Variants in PTPN5 observed in about 807,000 individuals in gnomAD.
The protein encoded by PTPN5 is protein tyrosine phosphatase non-receptor type 5.
Under a neutral mutation model 73.9 loss-of-function variants are expected in PTPN5, and 29 were observed. The observed-to-expected ratio is 0.39, with a 90% CI of 0.29 to 0.54. The LOEUF is 0.54. Among genes scored for constraint, PTPN5 ranks in the 20% least tolerant of loss-of-function variants. PTPN5 has a pLI of 0.65. For missense variants in PTPN5, 652 were observed against 751.4 expected, an observed-to-expected ratio of 0.87 and a Z score of 1.55; for synonymous variants, 267 against 304.7, an observed-to-expected ratio of 0.88 and a Z score of 1.29.
intron 1 of PTPN5, among the ~76,000 whole-genome samples, chr11:18,775,539 C>T (rs982769102): frequency 1.3e-5 from 2 of 152,182 alleles, no homozygotes; most frequent in Admixed American, 1.3e-4. Flanking sequence ...GAAGCAACAG[C>T]CCAGGAAGCA....
In PTPN5 at chr11:18,728,350, G is replaced by A. The variant is rs375742458; in HGVS notation, c.*584C>T. 5 of 152,508 alleles carry A rather than the reference G, an allele frequency of 3.3e-5. No individual in the cohort carries two copies. Among genetic ancestry groups the A allele is most frequent in the African/African-American group, 1.2e-4 (5 of 41,432 alleles). The allele number at this position is 152,508 out of a possible 1,614,324, so 9.4% of individuals were successfully genotyped here. A position where few individuals can be genotyped will look rare whatever the true frequency, so the allele number is the denominator to read the frequency against. On this transcript the variant is annotated 3_prime_UTR_variant, in exon 15 of 15. Transcript: ENST00000358540. The surrounding 1 kb of genome is among the most constrained non-coding windows in gnomAD (Gnocchi z 4.1). Reference sequence around the variant, plus strand: ...CCCTCCTGAGAGCATCTGACACCCAGAGGCCACCCTGGCTGTGATGCCCAC... The same window carrying A: ...CCCTCCTGAGAGCATCTGACACCCAAAGGCCACCCTGGCTGTGATGCCCAC...
chr11:18,759,291 A>G (rs1590563520), intron 3 of PTPN5, among the ~76,000 whole-genome samples: 1 of 152,246 alleles, frequency 6.6e-6, no homozygotes, highest in East Asian at 1.9e-4. Flanking sequence ...GAACTCAATT[A>G]ATCCTCACAA....
chr11:18,743,862 C>G (rs1849489596), intron 4 of PTPN5, 144 bp downstream of exon 4: 2 of 943,198 alleles, frequency 2.1e-6, no homozygotes, highest in Non-Finnish European at 3.0e-6. Context: ...CTTATCCCAG[C>G]CTTGAGGGCT....
In PTPN5 at chr11:18,729,006, G is replaced by A. The variant is rs371541434; in HGVS notation, c.1626C>T (p.Cys542=). The stretch of plus-strand genomic sequence containing the variant: ...CGTGGTGCACAAACTGGTACTGCTC[G>A]CATGTCTGGATCATGCCGCCCCTGC... The part of the protein sequence containing the change: ...RQDRGGMIQT[C]EQYQFVHHVM... The change falls in exon 15 of 15, where the codon TGC becomes TGT. Residue 542 remains cysteine (C), a synonymous_variant. Coordinates refer to ENST00000358540, the MANE Select transcript of PTPN5 (RefSeq NM_006906.2). The surrounding 1 kb of genome is among the most constrained non-coding windows in gnomAD (Gnocchi z 5.2). 2.1e-4 allele frequency: 337 copies of A among 1,613,756 alleles called. 1 individual carries two copies. Among genetic ancestry groups the A allele is most frequent in the Non-Finnish European group, 2.6e-4 (302 of 1,179,942 alleles).
chr11:18,766,653 G>C (rs1850657898), intron 2 of PTPN5, among the ~76,000 whole-genome samples: 1 of 152,186 alleles, frequency 6.6e-6, no homozygotes, highest in African/African-American at 2.4e-5. Context: ...GAAAAATGTT[G>C]CTGGAGATCA....
At chr11:18,748,596 T>C (rs1849742936) in intron 3 of PTPN5, among the ~76,000 whole-genome samples, 1 of 151,954 alleles carries the variant, frequency 6.6e-6, no homozygotes, top group South Asian at 2.1e-4. Flanking sequence ...GCACATAATT[T>C]TTGGGGAGAT....
chr11:18,782,448 G>C (rs923256985), intron 1 of PTPN5, among the ~76,000 whole-genome samples: 1 of 152,042 alleles, frequency 6.6e-6, no homozygotes, highest in African/African-American at 2.4e-5. Context: ...GGCTGGTCTC[G>C]AACTCCTGAC....
intron 9 of PTPN5, among the ~76,000 whole-genome samples, chr11:18,734,351 C>G (rs944000074): frequency 1.1e-4 from 16 of 152,106 alleles, no homozygotes; most frequent in Admixed American, 1.0e-3. Flanking sequence ...GTAAAAGGGT[C>G]TCTGTCACTC....
intron 4 of PTPN5, 108 bp from the exon 5 acceptor site, chr11:18,743,537 A>G: frequency 1.0e-6 from 1 of 997,258 alleles, no homozygotes; most frequent in Non-Finnish European, 1.6e-6. Context: ...AGGCTCCTGA[A>G]CCTCTAAGGT....
rs142331022 is a variant in PTPN5, at chr11:18,733,312, C to T, written c.1141G>A (p.Ala381Thr). 6.3e-5 allele frequency: 101 copies of T among 1,614,016 alleles called. No individual in the cohort carries two copies. The highest frequency in any genetic ancestry group is 7.9e-5 in the Non-Finnish European group (93 of 1,180,016). ...ATQGPIVSTV[A>T]DFWRMVWQEH... ...TGCCACACCATGCGCCAGAAGTCGGCGACCGTGCTGACGATGGGTCCCTGA... is the reference window on the plus strand; with the variant it reads ...TGCCACACCATGCGCCAGAAGTCGGTGACCGTGCTGACGATGGGTCCCTGA... Residue 381 changes from alanine (A) to threonine (T), a missense_variant, in exon 11 of 15, where the codon GCC becomes ACC. This residue lies in a region of PTPN5 where 529 missense variants were observed against 573.9 expected (regional missense o/e 0.92). Coordinates refer to ENST00000358540, the MANE Select transcript of PTPN5 (RefSeq NM_006906.2). This position sits in a 1 kb window ranked among gnomAD's most constrained non-coding sequence, Gnocchi z 4.3.
At chr11:18,736,298 G>T (rs1316540004) in intron 9 of PTPN5, among the ~76,000 whole-genome samples, 1 of 152,192 alleles carries the variant, frequency 6.6e-6, no homozygotes. Context: ...AGTCCAAATA[G>T]GTGCAGAATG....
intron 1 of PTPN5, among the ~76,000 whole-genome samples, chr11:18,776,218 G>A (rs1851147785): frequency 6.6e-6 from 1 of 152,094 alleles, no homozygotes; most frequent in Non-Finnish European, 1.5e-5. Flanking sequence ...GGCGTCTTCT[G>A]GTATTTCCGT....
chr11:18,766,562 A>G (rs923254633), intron 2 of PTPN5, among the ~76,000 whole-genome samples: 3 of 152,240 alleles, frequency 2.0e-5, no homozygotes, highest in African/African-American at 7.2e-5. Context: ...TCCTGAAATC[A>G]GAGAACCCTC....
chr11:18,743,240 C>A, intron 5 of PTPN5, 82 bp downstream of exon 5: 4 of 1,398,262 alleles, frequency 2.9e-6, no homozygotes, highest in Non-Finnish European at 4.1e-6. Flanking sequence ...CTCAGAGAAG[C>A]CCAATCTGGA....
At chr11:18,780,804 C>T (rs949341902) in intron 1 of PTPN5, among the ~76,000 whole-genome samples, 1 of 152,098 alleles carries the variant, frequency 6.6e-6, no homozygotes, top group Non-Finnish European at 1.5e-5. Context: ...GACAGAAAGC[C>T]CAGTGCAGAG....
rs761092772 is a variant in PTPN5, at chr11:18,732,609, G to A, written c.1312C>T (p.Arg438Ter). 8 of 1,613,540 alleles carry A rather than the reference G, an allele frequency of 5.0e-6. No homozygotes were observed. Among genetic ancestry groups the A allele is most frequent in the Non-Finnish European group, 5.9e-6 (7 of 1,179,876 alleles). Reference protein sequence around the residue: ...KVIHTEDYRLRLISLKSGTEE... With the variant: ...KVIHTEDYRL ...GGCCTCACCTTGAGGGAGATGAGTC[G>A]CAGCCGGTAATCCTCCGTGTGAATG... The change falls in exon 12 of 15, where the codon CGA becomes TGA. Residue 438 changes from arginine to a stop codon, truncating the protein, a stop_gained. Coordinates refer to ENST00000358540, the MANE Select transcript of PTPN5 (RefSeq NM_006906.2). LOFTEE classifies it high-confidence loss of function.
At chr11:18,757,624 C>T (rs905969853) in intron 3 of PTPN5, among the ~76,000 whole-genome samples, 1 of 152,118 alleles carries the variant, frequency 6.6e-6, no homozygotes, top group Admixed American at 6.5e-5. Context: ...TGACTGTTTG[C>T]AGAAGGTGTG....
chr11:18,748,047 C>G (rs541901149), intron 3 of PTPN5, among the ~76,000 whole-genome samples: 1 of 152,256 alleles, frequency 6.6e-6, no homozygotes, highest in Non-Finnish European at 1.5e-5. Context: ...TATACATACA[C>G]AGACACATGC....
chr11:18,782,259 G>A (rs1590622039), intron 1 of PTPN5, among the ~76,000 whole-genome samples: 1 of 151,212 alleles, frequency 6.6e-6, no homozygotes, highest in South Asian at 2.1e-4. Flanking sequence ...ATGGAGTCTC[G>A]TTCTGTCACC....
Sources: gnomAD v4.1 joint callset for allele counts (sites outside exome capture counted in the v4.1 genomes callset) on GRCh38, gnomAD v4.1.1 for gene constraint, gnomAD v4.1.1 regional missense constraint, Gnocchi (gnomAD v3.1) non-coding constraint, MANE v1.5 for transcripts, NCBI Gene and HGNC (gene_info 2026-07-23, HGNC 2026-07-21) for gene names.